Variants in TRRAP observed in about 807,000 individuals in gnomAD.
TRRAP encodes the protein transformation/transcription domain associated protein, also known as transformation/transcription domain-associated protein.
In TRRAP, 41 loss-of-function variants were observed where a neutral mutation model predicts 438.8. The observed-to-expected ratio is 0.09, with a 90% CI of 0.07 to 0.12. The LOEUF is 0.12. Among genes scored for constraint, TRRAP ranks in the 10% least tolerant of loss-of-function variants. The pLI is 1.00. For missense variants in TRRAP, 3,122 were observed against 5,055.1 expected, an observed-to-expected ratio of 0.62 and a Z score of 11.60; for synonymous variants, 1,994 against 1,962.9, an observed-to-expected ratio of 1.02 and a Z score of -0.42.
At position 98,925,093 on chromosome 7, in the gene TRRAP, CT is replaced by C; in HGVS notation, c.2824-16del. On this transcript the variant is annotated intron_variant, in intron 21 of 72. Coordinates refer to ENST00000456197, the MANE Select transcript of TRRAP (RefSeq NM_001375524.1). ...GTAATTTCAGCACAAACTGTAGTTT[CT>C]TTGTGTCTTGGTTGTAGGCCATTGA... The C allele has an allele frequency of 6.3e-7, 1 of 1,596,182 alleles. No individual in the cohort carries two copies. Among genetic ancestry groups the C allele is most frequent in the Non-Finnish European group, 8.5e-7 (1 of 1,171,902 alleles).
In TRRAP at chr7:98,892,638, C is replaced by T. The variant is rs1468015494; in HGVS notation, c.366+110C>T. ...AACTGTTTTATCTTTCTCCCAAATT[C>T]CAAGTCACATGAGTAAAAATTTTTC... is the stretch of plus-strand genomic sequence containing the variant. On this transcript the variant is annotated intron_variant, in intron 5 of 72. Transcript: ENST00000456197. 3.2e-6 allele frequency: 3 copies of T among 927,532 alleles called. No individual in the cohort carries two copies. The African/African-American group carries it at 5.1e-5, about 16-fold the overall frequency. The allele number at this position is 927,532 out of a possible 1,614,324, so 57.5% of individuals were successfully genotyped here.
At chr7:99,000,087 C>A (rs1584409584) in intron 67 of TRRAP, among the ~76,000 whole-genome samples, 1 of 152,000 alleles carries the variant, frequency 6.6e-6, no homozygotes, top group African/African-American at 2.4e-5. Flanking sequence ...AGCTCACCGC[C>A]ACCTCTGCCT....
At chr7:98,940,512 T>C (rs1315286617) in intron 30 of TRRAP, among the ~76,000 whole-genome samples, 2 of 152,188 alleles carry the variant, frequency 1.3e-5, no homozygotes, top group East Asian at 3.8e-4. Context: ...ATTCATTCAG[T>C]GAACATTGTT....
chr7:98,878,993 T>C (rs1467593963), intron 1 of TRRAP, among the ~76,000 whole-genome samples: 2 of 151,732 alleles, frequency 1.3e-5, no homozygotes, highest in African/African-American at 4.8e-5. Flanking sequence ...TGGGGGCCTG[T>C]CCCTCCGGAG....
intron 1 of TRRAP, among the ~76,000 whole-genome samples, chr7:98,879,511 C>T (rs1795322944): frequency 6.8e-6 from 1 of 147,218 alleles, no homozygotes; most frequent in Non-Finnish European, 1.5e-5. Flanking sequence ...TGGGTCCCCT[C>T]GGATGGGGAT....
chr7:98,963,739 C>T (rs1430979104), intron 47 of TRRAP, among the ~76,000 whole-genome samples: 2 of 152,130 alleles, frequency 1.3e-5, no homozygotes, highest in African/African-American at 2.4e-5. Context: ...GAAATCACCT[C>T]ATAACTGGCA....
intron 35 of TRRAP, 81 bp from the exon 36 acceptor site, chr7:98,949,336 G>T: frequency 7.4e-7 from 1 of 1,357,006 alleles, no homozygotes; most frequent in South Asian, 2.3e-5. Context: ...AAAAGATTTA[G>T]AAAGATTTAA....
chr7:98,980,642 G>A (rs541513662), intron 58 of TRRAP, among the ~76,000 whole-genome samples: 2 of 152,346 alleles, frequency 1.3e-5, no homozygotes, highest in East Asian at 1.9e-4. Context: ...GCAAGAAAGT[G>A]TGGCTTTAAA....
In TRRAP at chr7:99,011,238, A is replaced by C; in HGVS notation, c.11125A>C (p.Met3709Leu). ...GCATTTAAATAGACTCAACCCCGAGATGTTACAGATCGCTCAGGTAACCTG... is the reference window on the plus strand; with the variant it reads ...GCATTTAAATAGACTCAACCCCGAGCTGTTACAGATCGCTCAGGTAACCTG... ...VLHLNRLNPEMLQIAQDTGKL... is the reference protein window; with the variant it reads ...VLHLNRLNPELLQIAQDTGKL... The change falls in exon 71 of 73, where the codon ATG (methionine) becomes CTG (leucine). Residue 3709 changes from methionine to leucine, a missense_variant. Physicochemically the swap from Met to Leu is conservative, Grantham distance 15. Coordinates refer to ENST00000456197, the MANE Select transcript of TRRAP (RefSeq NM_001375524.1). The surrounding 1 kb of genome is among the most constrained non-coding windows in gnomAD (Gnocchi z 7.1). 6.2e-7 allele frequency: 1 copy of C among 1,614,194 alleles called. No individual in the cohort carries two copies. Among genetic ancestry groups the C allele is most frequent in the Non-Finnish European group, 8.5e-7 (1 of 1,180,032 alleles).
chr7:98,884,589 C>CTG (rs576391071), intron 3 of TRRAP, among the ~76,000 whole-genome samples: 186 of 152,314 alleles, frequency 1.2e-3, no homozygotes, highest in African/African-American at 4.2e-3. Context: ...CAGTGTCACC[C>CTG]TGTGTGTGTG....
At chr7:98,993,791 T>C in intron 66 of TRRAP, 54 bp downstream of exon 66, 1 of 1,544,116 alleles carries the variant, frequency 6.5e-7, no homozygotes, top group Non-Finnish European at 8.9e-7. Flanking sequence ...GACGTGGTGT[T>C]CTGTATGCTT....
intron 63 of TRRAP, 120 bp from the exon 64 acceptor site, chr7:98,990,335 T>A: frequency 9.9e-7 from 1 of 1,005,386 alleles, no homozygotes; most frequent in Non-Finnish European, 1.4e-6. Flanking sequence ...TGCTTATAGA[T>A]ACTTTTTTTA....
At chr7:98,888,296 G>C (rs1795803872) in intron 3 of TRRAP, among the ~76,000 whole-genome samples, 1 of 151,518 alleles carries the variant, frequency 6.6e-6, no homozygotes, top group African/African-American at 2.4e-5. Context: ...CAGCACTTTG[G>C]GAGGCCAAAG....
intron 62 of TRRAP, among the ~76,000 whole-genome samples, chr7:98,987,523 G>T (rs919812716): frequency 1.3e-4 from 20 of 152,242 alleles, no homozygotes; most frequent in African/African-American, 4.6e-4. Context: ...GAAATACCAG[G>T]GTTTTGTATA....
At chr7:99,004,517 G>C (rs144520581) in intron 68 of TRRAP, 102 bp downstream of exon 68, 2 of 999,018 alleles carry the variant, frequency 2.0e-6, no homozygotes, top group East Asian at 2.4e-5. Flanking sequence ...TTTGGACACA[G>C]ATTCCCTGAC....
chr7:98,896,724 A>G (rs897226251), intron 7 of TRRAP, among the ~76,000 whole-genome samples: 8 of 152,102 alleles, frequency 5.3e-5, no homozygotes, highest in African/African-American at 1.9e-4. Context: ...TTTTAAATTG[A>G]TATAGGATAA....
Position 98,988,778 on chromosome 7 carries a change from A to G in TRRAP, c.9403A>G (p.Asn3135Asp). Reference sequence around the variant, plus strand: ...GTCTCCTCACAGGTCCGAGGAGGCAAACAAAGCCTTCTCTGCAGCTGTGCA... The same window carrying G: ...GTCTCCTCACAGGTCCGAGGAGGCAGACAAAGCCTTCTCTGCAGCTGTGCA... ...LAQINKSEEA[N>D]KAFSAAVQMH... The change falls in exon 63 of 73, where the codon AAC becomes GAC. Residue 3135 changes from asparagine (N) to aspartate (D), a missense_variant. By Grantham distance (23) the Asn-to-Asp change is conservative. Transcript: ENST00000456197. 1 of 1,614,122 alleles carries G rather than the reference A, an allele frequency of 6.2e-7. No individual in the cohort carries two copies. Among genetic ancestry groups the G allele is most frequent in the Non-Finnish European group, 8.5e-7 (1 of 1,180,032 alleles).
At chr7:98,945,830 T>G (rs782669517) in intron 32 of TRRAP, 30 bp downstream of exon 32, 1 of 1,589,608 alleles carries the variant, frequency 6.3e-7, no homozygotes, top group Non-Finnish European at 8.5e-7. Context: ...AGTCAGTTTC[T>G]GACTTGCAAT....
intron 67 of TRRAP, among the ~76,000 whole-genome samples, chr7:99,002,419 G>T (rs1188939569): frequency 6.6e-6 from 1 of 152,208 alleles, no homozygotes; most frequent in Admixed American, 6.5e-5. Flanking sequence ...AGGAGTACAT[G>T]GGACTTTCTG....
Sources: allele counts gnomAD v4.1 joint callset (sites outside exome capture counted in the v4.1 genomes callset), GRCh38; gene constraint gnomAD v4.1.1; non-coding constraint Gnocchi (gnomAD v3.1); transcripts MANE v1.5; gene names NCBI Gene and HGNC (gene_info 2026-07-23, HGNC 2026-07-21).